ARHGEF1: variants seen among roughly 807,000 people sequenced by gnomAD.
ARHGEF1 encodes the protein Rho guanine nucleotide exchange factor 1, also known as 115 kDa guanine nucleotide exchange factor.
In ARHGEF1, 40 loss-of-function variants were observed where a neutral mutation model predicts 119.7. The observed-to-expected ratio is 0.33, with a 90% confidence interval of 0.26 to 0.44. The LOEUF is 0.44. ARHGEF1 is among the 20% of genes least tolerant of loss of function. The probability of loss-of-function intolerance (pLI) is 1.00; values close to 1 mark genes in which losing one functional copy is unlikely to be tolerated. For missense variants in ARHGEF1, 976 were observed against 1,268.3 expected (o/e 0.77, Z 3.50); for synonymous variants, 494 against 521.0 (o/e 0.95, Z 0.71).
intron 1 of ARHGEF1, chr19:41,884,419 G>C (rs781905593): frequency 1.2e-6 from 2 of 1,600,210 alleles, no homozygotes; most frequent in Non-Finnish European, 1.7e-6. Flanking sequence ...CGGCAGGGGT[G>C]GGGAGAGTGC....
chr19:41,922,823 CAA>C (rs1555852687), upstream of ARHGEF1, among the ~76,000 whole-genome samples: 1 of 152,236 alleles, frequency 6.6e-6, no homozygotes, highest in East Asian at 1.9e-4. Flanking sequence ...ATTATTGTGA[CAA>C]GATGCAATCC....
rs1555849693 is a variant in ARHGEF1 at position 41,904,359 on chromosome 19, G to A, written c.2137G>A (p.Ala713Thr). The change falls in exon 22 of 29, where the codon GCC (alanine) becomes ACC (threonine). Residue 713 changes from alanine to threonine, a missense_variant. Physicochemically the swap from Ala to Thr is moderately conservative, Grantham distance 58. This residue lies in a region of ARHGEF1 where 286 missense variants were observed against 506.8 expected (regional missense o/e 0.56). Coordinates refer to ENST00000354532, the MANE Select transcript of ARHGEF1 (RefSeq NM_004706.4). This position sits in a 1 kb window ranked among gnomAD's most constrained non-coding sequence, Gnocchi z 8.4. ...MLRPVLRLTS[A>T]MTREVATDHK... ...GCGGCCCGTGCTGCGGCTCACCTCC[G>A]CCATGACCCGCGAGGTGGCCACCGG... is the stretch of plus-strand genomic sequence containing the variant. The A allele has an allele frequency of 1.3e-6, 2 of 1,585,578 alleles. No individual in the cohort carries two copies. The highest frequency in any genetic ancestry group is 8.6e-7 in the Non-Finnish European group (1 of 1,169,320).
In ARHGEF1 at chr19:41,906,497, C is replaced by A. The variant is rs1555850207; in HGVS notation, c.2532C>A (p.Asp844Glu). ...AGCTTCTGTTTCCGGCGGAGGAAGA[C>A]AATGGGGCGGGGCCTCCTCGAGATG... ...LKQLLFPAEE[D>E]NGAGPPRDGD... Residue 844 changes from aspartate (D) to glutamate (E), a missense_variant, in exon 27 of 29, where the codon GAC (aspartate) becomes GAA (glutamate). Around this residue, in one of 3 missense-constraint regions of ARHGEF1, gnomAD observed 171 missense variants for 180.6 expected, o/e 0.95. Coordinates refer to ENST00000354532, the MANE Select transcript of ARHGEF1 (RefSeq NM_004706.4). This position sits in a 1 kb window ranked among gnomAD's most constrained non-coding sequence, Gnocchi z 4.5. 3 of 1,580,600 alleles carry A rather than the reference C, an allele frequency of 1.9e-6. No homozygotes were observed. The South Asian group carries it at 3.5e-5, about 18-fold the overall frequency.
In ARHGEF1 at chr19:41,904,043, C is replaced by T. The variant is rs1555849586; in HGVS notation, c.1926C>T (p.Asp642=). The T allele has an allele frequency of 1.2e-6, 2 of 1,614,096 alleles. No homozygotes were observed. The highest frequency in any genetic ancestry group is 1.7e-6 in the Non-Finnish European group (2 of 1,180,018). ...DPMLSEFKNL[D]ITKKKLVHEG... The stretch of plus-strand genomic sequence containing the variant: ...ACCCCCTCCTGCCCCAGAACCTGGA[C>T]ATCACCAAGAAGAAATTGGTCCACG... The change falls in exon 21 of 29, where the codon GAC becomes GAT. Residue 642 remains aspartate, a synonymous_variant. Transcript: ENST00000354532. This position sits in a 1 kb window ranked among gnomAD's most constrained non-coding sequence, Gnocchi z 8.4.
chr19:41,896,451 G>A lies in ARHGEF1; in HGVS notation c.1090G>A (p.Glu364Lys). The change falls in exon 13 of 29, where the codon GAG (glutamate) becomes AAG (lysine). Residue 364 changes from glutamate to lysine, a missense_variant. Around this residue, in one of 3 missense-constraint regions of ARHGEF1, gnomAD observed 519 missense variants for 580.9 expected, o/e 0.89. Transcript: ENST00000354532. ...GAGCCTGGAGTCCTTGGCGCCCCCA[G>A]AGAGTACCGACGAGGGGGCCGAAAC... Reference protein sequence around the residue: ...PMSLESLAPPESTDEGAETES... With the variant: ...PMSLESLAPPKSTDEGAETES... 1.3e-6 allele frequency: 2 copies of A among 1,484,880 alleles called. No individual in the cohort carries two copies. Among genetic ancestry groups the A allele is most frequent in the Non-Finnish European group, 1.8e-6 (2 of 1,118,282 alleles). 92.0% of individuals were successfully genotyped at this position (1,484,880 alleles called of 1,614,324 possible). A position where few individuals can be genotyped will look rare whatever the true frequency, so the allele number is the denominator to read the frequency against.
In ARHGEF1 at chr19:41,902,193, C is replaced by A; in HGVS notation, c.1415-81C>A. On this transcript the variant is annotated intron_variant, in intron 15 of 28. Transcript: ENST00000354532. The surrounding 1 kb of genome is among the most constrained non-coding windows in gnomAD (Gnocchi z 6.5). ...ATCAGACACAGACACACCTGCAGCC[C>A]TACCCCCACCACACCGCAGCAGGCC... is the stretch of plus-strand genomic sequence containing the variant. 6.3e-7 allele frequency: 1 copy of A among 1,578,138 alleles called. No individual in the cohort carries two copies. The highest frequency in any genetic ancestry group is 2.2e-5 in the East Asian group (1 of 44,566).
intron 12 of ARHGEF1, 137 bp downstream of exon 12, chr19:41,895,623 G>A (rs782304942): frequency 1.8e-5 from 17 of 946,600 alleles, no homozygotes; most frequent in Non-Finnish European, 2.6e-5. Flanking sequence ...ACTTCTCCCT[G>A]CTCCTGGTCA....
At chr19:41,910,948 C>T (rs1182639765), downstream of ARHGEF1, among the ~76,000 whole-genome samples, 2 of 152,174 alleles carry the variant, frequency 1.3e-5, no homozygotes, top group African/African-American at 4.8e-5. This position sits in a 1 kb window ranked among gnomAD's most constrained non-coding sequence, Gnocchi z 4.4. Context: ...TTACACATCT[C>T]AAGACTGGGA....
At chr19:41,914,571 CTCCG>C (rs1412350027) in intron 18 of ARHGEF1, among the ~76,000 whole-genome samples, 1 of 28,246 alleles carries the variant, frequency 3.5e-5, no homozygotes, top group Non-Finnish European at 7.8e-5. Flanking sequence ...CCATCTCTGT[CTCCG>C]TCTCTCCCTC....
chr19:41,929,574 CGCCCCTT>C, intron 2 of ARHGEF1: 1 of 153,014 alleles, frequency 6.5e-6, no homozygotes, highest in East Asian at 2.0e-4. Flanking sequence ...CCTTGCCCCT[CGCCCCTT>C]GCCCCTCACC....
At position 41,892,138 on chromosome 19, in the gene ARHGEF1, A is replaced by G; in HGVS notation, c.324+15A>G. Reference sequence around the variant, plus strand: ...AGAAGACAGCGGTGAGAGACCTTCAAGCTGCCCCAACCCTGCAATCCCTGT... The same window carrying G: ...AGAAGACAGCGGTGAGAGACCTTCAGGCTGCCCCAACCCTGCAATCCCTGT... On this transcript the variant is annotated intron_variant, in intron 5 of 28. Transcript: ENST00000354532. This position sits in a 1 kb window ranked among gnomAD's most constrained non-coding sequence, Gnocchi z 6.3. The G allele has an allele frequency of 6.2e-7, 1 of 1,608,884 alleles. No individual in the cohort carries two copies.
chr19:41,899,954 C>T (rs1163225585), intron 14 of ARHGEF1, among the ~76,000 whole-genome samples: 1 of 152,002 alleles, frequency 6.6e-6, no homozygotes, highest in African/African-American at 2.4e-5. Flanking sequence ...ATGTGCTACC[C>T]ATTAGGACTT....
At chr19:41,918,918 C>T (rs1555852176), upstream of ARHGEF1, among the ~76,000 whole-genome samples, 1 of 151,058 alleles carries the variant, frequency 6.6e-6, no homozygotes, top group African/African-American at 2.4e-5. Flanking sequence ...ATACACCACA[C>T]ACACATGCAC....
rs1257620414 is a variant in ARHGEF1, at chr19:41,889,569, G to A, written c.225+704G>A. ...GTAGACAAGGGTCTCATCCCAAGAA[G>A]ACCCCGTCCAGCCCAGCACAGGATA... On this transcript the variant is annotated intron_variant, in intron 4 of 28. Coordinates refer to ENST00000354532, the MANE Select transcript of ARHGEF1 (RefSeq NM_004706.4). The surrounding 1 kb of genome is among the most constrained non-coding windows in gnomAD (Gnocchi z 4.0). The A allele has an allele frequency of 6.6e-6, 1 of 152,284 alleles. No individual in the cohort carries two copies. The highest frequency in any genetic ancestry group is 1.9e-4 in the East Asian group (1 of 5,192). 9.4% of individuals were successfully genotyped at this position (152,284 alleles called of 1,614,324 possible). A position where few individuals can be genotyped will look rare whatever the true frequency, so the allele number is the denominator to read the frequency against.
chr19:41,887,861 G>T (rs940160910), intron 1 of ARHGEF1, among the ~76,000 whole-genome samples: 1 of 152,166 alleles, frequency 6.6e-6, no homozygotes, highest in Non-Finnish European at 1.5e-5. Context: ...GCCTGCCCCC[G>T]CAAGGCTCCC....
downstream of ARHGEF1, chr19:41,909,001 C>G: frequency 1.9e-6 from 2 of 1,065,632 alleles, no homozygotes; most frequent in Non-Finnish European, 2.4e-6. This position sits in a 1 kb window ranked among gnomAD's most constrained non-coding sequence, Gnocchi z 5.2. Flanking sequence ...ATCCTCTTCC[C>G]TCAAGCCTGC....
intron 1 of ARHGEF1, chr19:41,884,459 G>T (rs1555844894): frequency 6.2e-7 from 1 of 1,606,724 alleles, no homozygotes; most frequent in African/African-American, 1.3e-5. Context: ...TTCGGTTCCG[G>T]TGGCGGCGAT....
intron 13 of ARHGEF1, chr19:41,897,165 C>T: frequency 1.4e-6 from 1 of 691,908 alleles, no homozygotes; most frequent in Non-Finnish European, 2.2e-6. Context: ...GCTCTGTGCC[C>T]TGGGGGCCCT....
At chr19:41,898,655 G>T in intron 14 of ARHGEF1, 68 bp downstream of exon 14, 1 of 1,484,724 alleles carries the variant, frequency 6.7e-7, no homozygotes, top group Non-Finnish European at 9.0e-7. Context: ...GGCAAAGACA[G>T]GCGCAGAGAG....
Sources: allele counts gnomAD v4.1 joint callset (sites outside exome capture counted in the v4.1 genomes callset), GRCh38; gene constraint gnomAD v4.1.1; regional missense constraint gnomAD v4.1.1; non-coding constraint Gnocchi (gnomAD v3.1); transcripts MANE v1.5; gene names NCBI Gene and HGNC (gene_info 2026-07-23, HGNC 2026-07-21).